Variants in RYR2 observed in about 807,000 individuals in gnomAD.
RYR2 encodes the protein cardiac muscle ryanodine receptor-calcium release channel.
Under a neutral mutation model 601.1 loss-of-function variants are expected in RYR2, and 227 were observed. The observed-to-expected ratio is 0.38, with a 90% CI of 0.34 to 0.42. RYR2 has a LOEUF of 0.42. RYR2 is among the 10% of genes least tolerant of loss of function. The pLI, the probability that RYR2 is intolerant of heterozygous loss-of-function variation, is 1.00. For synonymous variants in RYR2, 2,223 were observed against 2,175.1 expected (o/e 1.02, Z -0.61); for missense variants, 4,646 against 6,156.5 (o/e 0.75, Z 8.21).
rs958381074 is a variant in RYR2 at position 237,742,169 on chromosome 1, A to G, written c.11092-127A>G. 1.4e-4 allele frequency: 93 copies of G among 664,206 alleles called. 1 individual carries two copies. The highest frequency in any genetic ancestry group is 2.6e-4 in the Admixed American group (9 of 34,560). 41.1% of individuals were successfully genotyped at this position (664,206 alleles called of 1,614,324 possible). A position where few individuals can be genotyped will look rare whatever the true frequency, so the allele number is the denominator to read the frequency against. On this transcript the variant is annotated intron_variant, in intron 79 of 104. Transcript: ENST00000366574. ...ATGTCATCTAAGCATTCTATCTTAC[A>G]TGTGTTTAAACAAGGTTGATGATAA...
At chr1:237,728,855 A>T (rs1220481250) in intron 76 of RYR2, among the ~76,000 whole-genome samples, 1 of 152,046 alleles carries the variant, frequency 6.6e-6, no homozygotes, top group African/African-American at 2.4e-5. Flanking sequence ...AACCTAGAAG[A>T]TGGGTTGATA....
rs1573882373 is a variant in RYR2, at chr1:237,770,831, A to C, written c.11501A>C (p.Glu3834Ala). ...GGAGAAAAGGTTCTGCAGGACGATG[A>C]GTTCACCTGTGACCTCTTCCGATTC... is the stretch of plus-strand genomic sequence containing the variant. The part of the protein sequence containing the change: ...GSGEKVLQDD[E>A]FTCDLFRFLQ... Residue 3834 changes from glutamate (E) to alanine (A), a missense_variant, in exon 85 of 105, where the codon GAG becomes GCG. Transcript: ENST00000366574. 6.4e-7 allele frequency: 1 copy of C among 1,554,236 alleles called. No individual in the cohort carries two copies. Among genetic ancestry groups the C allele is most frequent in the East Asian group, 2.4e-5 (1 of 41,374 alleles).
intron 8 of RYR2, among the ~76,000 whole-genome samples, chr1:237,382,734 G>T (rs1701635313): frequency 6.6e-6 from 1 of 151,970 alleles, no homozygotes; most frequent in African/African-American, 2.4e-5. Context: ...ACTGCCTCAA[G>T]TTGTGTGAAA....
At chr1:237,524,264 C>T (rs1462415145) in intron 24 of RYR2, among the ~76,000 whole-genome samples, 1 of 152,200 alleles carries the variant, frequency 6.6e-6, no homozygotes, top group African/African-American at 2.4e-5. Flanking sequence ...CAACATGGAT[C>T]AACCTGAAAA....
chr1:237,752,181 C>G (rs1338914793), intron 80 of RYR2, among the ~76,000 whole-genome samples: 1 of 152,054 alleles, frequency 6.6e-6, no homozygotes, highest in Non-Finnish European at 1.5e-5. Context: ...TTCTAGGAAA[C>G]TTCATGTTTG....
chr1:237,695,498 G>C (rs147018073), intron 63 of RYR2, among the ~76,000 whole-genome samples: 87 of 152,240 alleles, frequency 5.7e-4, no homozygotes, highest in African/African-American at 1.9e-3. Flanking sequence ...TCACCACCCA[G>C]AGCAATGAAT....
intron 74 of RYR2, among the ~76,000 whole-genome samples, chr1:237,724,877 T>C (rs975946106): frequency 8.5e-5 from 13 of 152,266 alleles, no homozygotes; most frequent in Middle Eastern, 6.8e-3. Flanking sequence ...TAGAAACTGA[T>C]TCTATTTTAT....
rs760891474 is a variant in RYR2, at chr1:237,270,487, C to T, written c.49-10C>T. On this transcript the variant is annotated splice_polypyrimidine_tract_variant and intron_variant, in intron 1 of 104. Coordinates refer to ENST00000366574, the MANE Select transcript of RYR2 (RefSeq NM_001035.3). The stretch of plus-strand genomic sequence containing the variant: ...CACTTATTTTTCCCTCTCTTTCTCC[C>T]CCTTTGCAGGATGATGAAGTGGTTC... The T allele has an allele frequency of 1.8e-5, 28 of 1,568,282 alleles. No homozygotes were observed. The highest frequency in any genetic ancestry group is 2.4e-5 in the Non-Finnish European group (28 of 1,155,730).
intron 25 of RYR2, among the ~76,000 whole-genome samples, chr1:237,542,062 ATTTATTTATTTATTTATTTATT>A (rs1669338441): frequency 2.0e-3 from 241 of 122,140 alleles, no homozygotes; most frequent in Middle Eastern, 9.4e-3. Flanking sequence ...TTTTGTCTTT[ATTTATTTATTTATTTATTTATT>A]TATTTATTTA....
rs376104380 is a variant in RYR2, at chr1:237,610,929, G to T, written c.4851G>T (p.Trp1617Cys). Residue 1617 changes from tryptophan to cysteine, a missense_variant, in exon 36 of 105, where the codon TGG (tryptophan) becomes TGT (cysteine). Trp to Cys is a radical substitution (Grantham distance 215, BLOSUM62 -2). This residue lies in a region of RYR2 where 1,807 missense variants were observed against 2,088.1 expected (regional missense o/e 0.87). Transcript: ENST00000366574. This position sits in a 1 kb window ranked among gnomAD's most constrained non-coding sequence, Gnocchi z 4.9. ...CTCGAATAAGTGAACGCCAAGGCTG[G>T]TTGGTGCAGTGTTTGGATCCTCTGC... is the stretch of plus-strand genomic sequence containing the variant. Reference protein sequence around the residue: ...DVSRISERQGWLVQCLDPLQF... With the variant: ...DVSRISERQGCLVQCLDPLQF... The T allele has an allele frequency of 6.2e-7, 1 of 1,613,442 alleles. No individual in the cohort carries two copies. Among genetic ancestry groups the T allele is most frequent in the African/African-American group, 1.3e-5 (1 of 74,896 alleles).
rs1395955262 is a variant in RYR2 at position 237,106,088 on chromosome 1, A to T, written c.48+63519A>T. On this transcript the variant is annotated intron_variant, in intron 1 of 104. Coordinates refer to ENST00000366574, the MANE Select transcript of RYR2 (RefSeq NM_001035.3). The surrounding 1 kb of genome is among the most constrained non-coding windows in gnomAD (Gnocchi z 4.4). Reference sequence around the variant, plus strand: ...CTGCGGGTGTGGGCCGGGCAGGTGGAGGAGGCCTTGAGGGCTGTTGAGAGG... The same window carrying T: ...CTGCGGGTGTGGGCCGGGCAGGTGGTGGAGGCCTTGAGGGCTGTTGAGAGG... Among the ~76,000 whole-genome samples the T allele has an allele frequency of 6.6e-6, 1 of 152,010 alleles. No individual in the cohort carries two copies. Among genetic ancestry groups the T allele is most frequent in the Non-Finnish European group, 1.5e-5 (1 of 67,998 alleles).
chr1:237,832,870 C>CA lies in RYR2; in HGVS notation c.*230dup, dbSNP rs1436370148. ...AGAATAATCTAAATTCATACTCAGACAAAAAAAGGAATTCTGGAAAGAAAA... is the reference window on the plus strand; with the variant it reads ...AGAATAATCTAAATTCATACTCAGACAAAAAAAAGGAATTCTGGAAAGAAAA... On this transcript the variant is annotated 3_prime_UTR_variant, in exon 105 of 105. Coordinates refer to ENST00000366574, the MANE Select transcript of RYR2 (RefSeq NM_001035.3). The CA allele has an allele frequency of 4.2e-5, 17 of 402,152 alleles. No individual in the cohort carries two copies. The highest frequency in any genetic ancestry group is 1.5e-4 in the South Asian group (3 of 20,236). 24.9% of individuals were successfully genotyped at this position (402,152 alleles called of 1,614,324 possible). A position where few individuals can be genotyped will look rare whatever the true frequency, so the allele number is the denominator to read the frequency against.
At chr1:237,586,255 T>G (rs1674512820) in intron 29 of RYR2, among the ~76,000 whole-genome samples, 1 of 152,252 alleles carries the variant, frequency 6.6e-6, no homozygotes, top group Non-Finnish European at 1.5e-5. Context: ...CAGTTTATTT[T>G]GTTGAGCCCT....
intron 80 of RYR2, among the ~76,000 whole-genome samples, chr1:237,751,573 C>T (rs987182829): frequency 3.3e-5 from 5 of 152,056 alleles, no homozygotes; most frequent in African/African-American, 1.2e-4. Context: ...AATATTCCAC[C>T]CAAAATGCAA....
intron 17 of RYR2, among the ~76,000 whole-genome samples, chr1:237,482,327 C>T (rs1055184694): frequency 7.2e-5 from 11 of 152,072 alleles, no homozygotes; most frequent in African/African-American, 2.7e-4. Flanking sequence ...TACCCATCAA[C>T]CATCCCTACA....
At chr1:237,763,626 G>A (rs146024865) in intron 84 of RYR2, among the ~76,000 whole-genome samples, 1,697 of 152,282 alleles carry the variant, frequency 0.011, 20 homozygotes, top group Middle Eastern at 0.02. Flanking sequence ...ATTCTATGCA[G>A]TGGAAATAAG....
chr1:237,799,041 A>AAAAG, intron 97 of RYR2, among the ~76,000 whole-genome samples: 1 of 152,320 alleles, frequency 6.6e-6, no homozygotes, highest in East Asian at 1.9e-4. Context: ...GCTAGCATTA[A>AAAAG]AAAGATAGTT....
intron 12 of RYR2, among the ~76,000 whole-genome samples, chr1:237,433,334 A>T (rs1462610495): frequency 1.3e-5 from 1 of 74,940 alleles, no homozygotes; most frequent in Non-Finnish European, 2.5e-5. Flanking sequence ...AATTAGAGTA[A>T]TTGATAGTGC....
intron 63 of RYR2, among the ~76,000 whole-genome samples, chr1:237,696,455 G>T (rs4659805): frequency 0.62 from 94,610 of 151,574 alleles, 29,624 homozygotes; most frequent in Middle Eastern, 0.72. Context: ...TAGTTTCATT[G>T]AGACCCACGA....
Sources: allele counts gnomAD v4.1 joint callset (sites outside exome capture counted in the v4.1 genomes callset), GRCh38; gene constraint gnomAD v4.1.1; regional missense constraint gnomAD v4.1.1; non-coding constraint Gnocchi (gnomAD v3.1); transcripts MANE v1.5; gene names NCBI Gene and HGNC (gene_info 2026-07-23, HGNC 2026-07-21).